Variants in TAFA5 observed in about 807,000 individuals in gnomAD.
TAFA5 encodes TAFA chemokine like family member 5.
Under a neutral mutation model 15.3 loss-of-function variants are expected in TAFA5, and 6 were observed. The ratio of observed to expected loss-of-function variants is 0.39; its 90% CI spans 0.21 to 0.77. The LOEUF (loss-of-function observed/expected upper bound fraction) is 0.77. TAFA5 is among the 30% of genes least tolerant of loss of function. TAFA5 has a pLI of 0.41. For missense variants in TAFA5, 161 were observed against 193.1 expected (o/e 0.83, Z 0.98); for synonymous variants, 103 against 80.7 (o/e 1.28, Z -1.48).
chr22:48,586,723 G>A (rs1162126588), intron 1 of TAFA5, among the ~76,000 whole-genome samples: 2 of 152,236 alleles, frequency 1.3e-5, no homozygotes, highest in African/African-American at 4.8e-5. Flanking sequence ...GGACCCTGGT[G>A]GGCGGAGTCT....
chr22:48,562,423 C>A (rs1223955200), intron 1 of TAFA5, among the ~76,000 whole-genome samples: 2 of 152,214 alleles, frequency 1.3e-5, no homozygotes, highest in Admixed American at 1.3e-4. Context: ...CAGGCGTGAG[C>A]CACCGCGCCC....
chr22:48,564,694 T>C (rs113546425), intron 1 of TAFA5, among the ~76,000 whole-genome samples: 1,919 of 152,316 alleles, frequency 0.013, 50 homozygotes, highest in African/African-American at 0.043. Flanking sequence ...CCTTCTCAGT[T>C]GGACAGAGTG....
intron 2 of TAFA5, among the ~76,000 whole-genome samples, chr22:48,660,763 G>A (rs936199040): frequency 2.0e-5 from 3 of 152,202 alleles, no homozygotes; most frequent in Non-Finnish European, 4.4e-5. Flanking sequence ...CTCCCAGGCC[G>A]GGGTCTCTCT....
chr22:48,738,131 A>G (rs1422150947), intron 3 of TAFA5, among the ~76,000 whole-genome samples: 3 of 152,166 alleles, frequency 2.0e-5, no homozygotes, highest in Non-Finnish European at 4.4e-5. Context: ...GCCGGGGCCA[A>G]GTGTGAAATT....
intron 2 of TAFA5, among the ~76,000 whole-genome samples, chr22:48,666,719 A>G (rs969625099): frequency 1.3e-5 from 2 of 151,862 alleles, no homozygotes; most frequent in Admixed American, 6.6e-5. Context: ...CTGCCCTGAA[A>G]CCCCTTGTCG....
intron 3 of TAFA5, among the ~76,000 whole-genome samples, chr22:48,735,854 AC>A (rs1929996739): frequency 6.8e-6 from 1 of 147,556 alleles, no homozygotes; most frequent in African/African-American, 2.5e-5. Flanking sequence ...TGAGAATCGC[AC>A]TCCTAGAGTC....
intron 1 of TAFA5, among the ~76,000 whole-genome samples, chr22:48,551,352 G>C (rs1922849452): frequency 1.3e-5 from 2 of 152,140 alleles, no homozygotes; most frequent in African/African-American, 4.8e-5. Flanking sequence ...CATAGTCTTG[G>C]CAGGTGCCAG....
intron 1 of TAFA5, among the ~76,000 whole-genome samples, chr22:48,645,329 A>G (rs957719441): frequency 6.6e-6 from 1 of 152,164 alleles, no homozygotes; most frequent in African/African-American, 2.4e-5. Context: ...GGTGGTGGCC[A>G]TGCTGCGTTT....
chr22:48,548,190 C>T (rs1277124999), intron 1 of TAFA5, among the ~76,000 whole-genome samples: 4 of 152,204 alleles, frequency 2.6e-5, no homozygotes, highest in African/African-American at 9.6e-5. Flanking sequence ...CTGTGGCCAG[C>T]TGCACACATG....
intron 1 of TAFA5, among the ~76,000 whole-genome samples, chr22:48,555,809 G>A (rs1305562061): frequency 6.6e-6 from 1 of 152,170 alleles, no homozygotes; most frequent in East Asian, 1.9e-4. Flanking sequence ...GGATGGGGGC[G>A]CTGTGGCCGC....
At chr22:48,688,422 T>C (rs1485629069) in intron 2 of TAFA5, among the ~76,000 whole-genome samples, 2 of 152,264 alleles carry the variant, frequency 1.3e-5, no homozygotes, top group Non-Finnish European at 2.9e-5. Flanking sequence ...AGATCAGCAC[T>C]GAATAGCAAG....
intron 1 of TAFA5, among the ~76,000 whole-genome samples, chr22:48,564,911 A>G: frequency 6.6e-6 from 1 of 152,228 alleles, no homozygotes; most frequent in East Asian, 1.9e-4. Flanking sequence ...TGGCCCTGCA[A>G]AAAAGAGGAG....
intron 1 of TAFA5, among the ~76,000 whole-genome samples, chr22:48,595,258 C>T (rs1924722198): frequency 6.6e-6 from 1 of 152,192 alleles, no homozygotes; most frequent in African/African-American, 2.4e-5. Context: ...CCACCACCAC[C>T]CGTGATCAGC....
intron 2 of TAFA5, among the ~76,000 whole-genome samples, chr22:48,683,285 C>T (rs541237783): frequency 1.3e-5 from 2 of 152,332 alleles, no homozygotes; most frequent in South Asian, 2.1e-4. Context: ...AGGCATTACA[C>T]ACAGACGAGA....
chr22:48,711,274 G>T (rs1182016504), intron 3 of TAFA5, among the ~76,000 whole-genome samples: 1 of 152,146 alleles, frequency 6.6e-6, no homozygotes, highest in African/African-American at 2.4e-5. Context: ...GGGGGAGAGT[G>T]TGTGTCGGGG....
intron 2 of TAFA5, among the ~76,000 whole-genome samples, chr22:48,658,856 C>G (rs1411882246): frequency 1.3e-5 from 2 of 152,204 alleles, no homozygotes; most frequent in African/African-American, 2.4e-5. Flanking sequence ...AATAAGGGTT[C>G]AGATGGACAG....
chr22:48,572,799 G>C (rs1923635174), intron 1 of TAFA5, among the ~76,000 whole-genome samples: 1 of 152,190 alleles, frequency 6.6e-6, no homozygotes, highest in Non-Finnish European at 1.5e-5. Flanking sequence ...GTAGTGGGAC[G>C]ACCATAATTT....
intron 1 of TAFA5, among the ~76,000 whole-genome samples, chr22:48,624,774 G>A (rs958304876): frequency 2.6e-5 from 4 of 152,284 alleles, no homozygotes; most frequent in East Asian, 1.9e-4. Context: ...CCCAGGGAGT[G>A]TGGGTTTCTT....
intron 1 of TAFA5, among the ~76,000 whole-genome samples, chr22:48,510,235 C>T (rs1030806509): frequency 6.6e-6 from 1 of 152,190 alleles, no homozygotes; most frequent in African/African-American, 2.4e-5. Context: ...GCAAAGGGAA[C>T]AGTCAGCAAG....
Sources: gnomAD v4.1 joint callset for allele counts (sites outside exome capture counted in the v4.1 genomes callset) on GRCh38, gnomAD v4.1.1 for gene constraint, MANE v1.5 for transcripts, NCBI Gene and HGNC (gene_info 2026-07-23, HGNC 2026-07-21) for gene names.